Variants in RAPGEF5 observed in about 807,000 individuals in gnomAD.
RAPGEF5 encodes the protein Rap guanine nucleotide exchange factor 5.
In RAPGEF5, 65 loss-of-function variants were observed where a neutral mutation model predicts 125.2. The observed-to-expected ratio is 0.52, with a 90% CI of 0.43 to 0.64. The LOEUF is 0.64. Among genes scored for constraint, RAPGEF5 ranks in the 30% least tolerant of loss-of-function variants. The pLI, the probability that RAPGEF5 is intolerant of heterozygous loss-of-function variation, is 0.00. For missense variants in RAPGEF5, 958 were observed against 1,048.1 expected (o/e 0.91, Z 1.19); for synonymous variants, 391 against 385.9 (o/e 1.01, Z -0.16).
chr7:22,231,295 G>A (rs1240433324), intron 7 of RAPGEF5, among the ~76,000 whole-genome samples: 1 of 152,044 alleles, frequency 6.6e-6, no homozygotes, highest in Non-Finnish European at 1.5e-5. Context: ...CTTTCTGGCT[G>A]GCAGTTTAAA....
intron 17 of RAPGEF5, 123 bp downstream of exon 17, chr7:22,154,332 T>C (rs1413737061): frequency 6.3e-6 from 7 of 1,112,768 alleles, no homozygotes; most frequent in African/African-American, 4.7e-5. Context: ...TTATTGTTAC[T>C]GTGGTCATCC....
At chr7:22,291,594 C>CCT (rs949174910) in intron 5 of RAPGEF5, among the ~76,000 whole-genome samples, 5 of 152,276 alleles carry the variant, frequency 3.3e-5, no homozygotes, top group African/African-American at 1.2e-4. Flanking sequence ...GCTGAAATTT[C>CCT]CTAAATCTAA....
intron 1 of RAPGEF5, among the ~76,000 whole-genome samples, chr7:22,353,893 C>T (rs1231488455): frequency 6.7e-6 from 1 of 149,222 alleles, no homozygotes; most frequent in African/African-American, 2.5e-5. Flanking sequence ...GTGAGACCCC[C>T]AGTCTCTAAA....
In RAPGEF5 at chr7:22,230,866, C is replaced by T. The variant is rs1260471349; in HGVS notation, c.850G>A (p.Glu284Lys). The change falls in exon 8 of 26, where the codon GAA (glutamate) becomes AAA (lysine). Residue 284 changes from glutamate (E) to lysine (K), a missense_variant. Coordinates refer to ENST00000665637, the MANE Select transcript of RAPGEF5 (RefSeq NM_012294.5). ...NDKHVAVTEA[E>K]SVPDSQAGVM... ...CATACCTGAGAATCTGGAACACTTT[C>T]GGCTTCTGTTACAGCTACATGTTTG... 6 of 1,566,614 alleles carry T rather than the reference C, an allele frequency of 3.8e-6. No homozygotes were observed. In the Admixed American group the frequency reaches 5.7e-5, roughly 15 times the overall value.
chr7:22,180,468 C>T (rs1179803212), intron 11 of RAPGEF5, among the ~76,000 whole-genome samples: 1 of 152,122 alleles, frequency 6.6e-6, no homozygotes, highest in Non-Finnish European at 1.5e-5. Context: ...GACAGTTATG[C>T]TAGTGTCCAT....
At chr7:22,152,282 T>A (rs2128107736) in intron 17 of RAPGEF5, among the ~76,000 whole-genome samples, 2 of 152,326 alleles carry the variant, frequency 1.3e-5, no homozygotes, top group South Asian at 4.1e-4. Flanking sequence ...CACAGCTGGA[T>A]TCTTAAGTTC....
At chr7:22,290,652 G>A (rs1377622303) in intron 6 of RAPGEF5, among the ~76,000 whole-genome samples, 1 of 150,702 alleles carries the variant, frequency 6.6e-6, no homozygotes, top group Admixed American at 6.6e-5. Flanking sequence ...GGCTGAGGCA[G>A]GAGAATGGCG....
chr7:22,169,208 G>A (rs932564664), intron 11 of RAPGEF5, among the ~76,000 whole-genome samples: 1 of 152,118 alleles, frequency 6.6e-6, no homozygotes, highest in African/African-American at 2.4e-5. Context: ...AGAAGAGCCA[G>A]GGGCCCCCTA....
chr7:22,254,861 C>T (rs1786716612), intron 7 of RAPGEF5, among the ~76,000 whole-genome samples: 1 of 152,088 alleles, frequency 6.6e-6, no homozygotes, highest in African/African-American at 2.4e-5. Context: ...CTGTGAAAAT[C>T]GAATGCTGCC....
At chr7:22,340,867 T>C (rs1273008843) in intron 1 of RAPGEF5, among the ~76,000 whole-genome samples, 3 of 152,192 alleles carry the variant, frequency 2.0e-5, no homozygotes, top group Non-Finnish European at 4.4e-5. Context: ...CTTCTCCAGG[T>C]ACCCAGCAAC....
At chr7:22,253,386 G>A (rs1376627332) in intron 7 of RAPGEF5, among the ~76,000 whole-genome samples, 1 of 152,092 alleles carries the variant, frequency 6.6e-6, no homozygotes, top group East Asian at 1.9e-4. Context: ...TCGAGGATGT[G>A]GCAAAAGAAA....
chr7:22,262,398 AAAT>A (rs1055642014), intron 7 of RAPGEF5, among the ~76,000 whole-genome samples: 1 of 152,108 alleles, frequency 6.6e-6, no homozygotes, highest in African/African-American at 2.4e-5. Context: ...CTAAAATTAA[AAAT>A]AATAATAATA....
chr7:22,277,331 A>C (rs1031291223), intron 6 of RAPGEF5, among the ~76,000 whole-genome samples: 4 of 152,232 alleles, frequency 2.6e-5, no homozygotes, highest in Non-Finnish European at 1.5e-5. Context: ...TTATGGGTTC[A>C]AATTCAAATT....
chr7:22,293,900 A>C (rs1286845185), intron 5 of RAPGEF5, among the ~76,000 whole-genome samples: 1 of 152,158 alleles, frequency 6.6e-6, no homozygotes, highest in Non-Finnish European at 1.5e-5. Flanking sequence ...ATCGCCCAAA[A>C]ATACCAGACT....
intron 6 of RAPGEF5, among the ~76,000 whole-genome samples, chr7:22,268,155 G>A (rs1165590739): frequency 1.3e-5 from 2 of 152,140 alleles, no homozygotes; most frequent in East Asian, 3.8e-4. Flanking sequence ...AAAATGCATA[G>A]TCTTGATTTA....
Position 22,348,610 on chromosome 7 carries a change from G to T in RAPGEF5, c.231+8220C>A, listed in dbSNP as rs1348343640. Among the ~76,000 whole-genome samples, 7 of 152,198 alleles carry T rather than the reference G, an allele frequency of 4.6e-5. No individual in the cohort carries two copies. The East Asian group carries it at 1.2e-3, about 25-fold the overall frequency. On this transcript the variant is annotated intron_variant, in intron 1 of 25. Transcript: ENST00000665637. ...CAAACCTTCATGTTTCTTGTCCAATGGCTGGTATTGCTGGGAGATGGCTGA... is the reference window on the plus strand; with the variant it reads ...CAAACCTTCATGTTTCTTGTCCAATTGCTGGTATTGCTGGGAGATGGCTGA...
intron 9 of RAPGEF5, among the ~76,000 whole-genome samples, chr7:22,201,292 C>T (rs1392738492): frequency 6.6e-6 from 1 of 152,230 alleles, no homozygotes; most frequent in South Asian, 2.1e-4. Flanking sequence ...GCCGATGCTT[C>T]CCACTGGCTG....
chr7:22,167,561 G>GT (rs1344492434), intron 11 of RAPGEF5, among the ~76,000 whole-genome samples: 2 of 152,090 alleles, frequency 1.3e-5, no homozygotes, highest in South Asian at 2.1e-4. Flanking sequence ...ATAAATTAAG[G>GT]TTTTTTCCAA....
At chr7:22,279,966 C>G (rs1782638050) in intron 6 of RAPGEF5, among the ~76,000 whole-genome samples, 1 of 152,122 alleles carries the variant, frequency 6.6e-6, no homozygotes, top group African/African-American at 2.4e-5. Context: ...CAATAATGCC[C>G]TCGTGCTTCC....
Sources: allele counts gnomAD v4.1 joint callset (sites outside exome capture counted in the v4.1 genomes callset), GRCh38; gene constraint gnomAD v4.1.1; transcripts MANE v1.5; gene names NCBI Gene and HGNC (gene_info 2026-07-23, HGNC 2026-07-21).